Variants in ATRN observed in about 807,000 individuals in gnomAD.
ATRN encodes attractin, also known as attractin-2.
ATRN carries 54 observed loss-of-function variants against 178.7 expected under a neutral mutation model. The observed-to-expected ratio is 0.30, with a 90% CI of 0.24 to 0.38. The LOEUF (loss-of-function observed/expected upper bound fraction) is 0.38, where lower values mean the gene tolerates loss of function less well. ATRN is among the 10% of genes least tolerant of loss of function. The pLI is 1.00. For synonymous variants in ATRN, 636 were observed against 663.0 expected (o/e 0.96, Z 0.63); for missense variants, 1,443 against 1,815.1 (o/e 0.79, Z 3.73).
chr20:3,591,440 G>A, intron 19 of ATRN, 134 bp downstream of exon 19: 1 of 1,142,158 alleles, frequency 8.8e-7, no homozygotes. Context: ...ATACTGGTCA[G>A]AAGCTCAGCT....
intron 1 of ATRN, among the ~76,000 whole-genome samples, chr20:3,483,682 A>G (rs1432978378): frequency 6.6e-6 from 1 of 152,040 alleles, no homozygotes; most frequent in Admixed American, 6.6e-5. Context: ...TTTTGCATAC[A>G]TGTGTGATTT....
Position 3,560,861 on chromosome 20 carries a change from G to T in ATRN, c.1403G>T (p.Cys468Phe), listed in dbSNP as rs1353090418. The change falls in exon 8 of 29, where the codon TGC (cysteine) becomes TTC (phenylalanine). Residue 468 changes from cysteine (C) to phenylalanine (F), a missense_variant. This residue lies in a region of ATRN where 862 missense variants were observed against 972.1 expected (regional missense o/e 0.89). Coordinates refer to ENST00000262919, the MANE Select transcript of ATRN (RefSeq NM_139321.3). ...RVVMLVIFGHCPLYGYISNVQ... is the reference protein window; with the variant it reads ...RVVMLVIFGHFPLYGYISNVQ... ...GTCATGCTGGTCATCTTTGGTCACT[G>T]CCCTCTCTATGGATATATAAGCAAT... The T allele has an allele frequency of 6.2e-7, 1 of 1,614,110 alleles. No homozygotes were observed. Among genetic ancestry groups the T allele is most frequent in the Non-Finnish European group, 8.5e-7 (1 of 1,180,006 alleles).
In ATRN at chr20:3,627,963, G is replaced by A. The variant is rs575288192; in HGVS notation, c.3863+3391G>A. On this transcript the variant is annotated intron_variant, in intron 25 of 28. Coordinates refer to ENST00000262919, the MANE Select transcript of ATRN (RefSeq NM_139321.3). ...CGAGGTGGGTGGATCACGAGGTCAGGAGATCGAGACCATCCTGGCTAACAC... is the reference window on the plus strand; with the variant it reads ...CGAGGTGGGTGGATCACGAGGTCAGAAGATCGAGACCATCCTGGCTAACAC... Among the ~76,000 whole-genome samples, 8 of 152,262 alleles carry A rather than the reference G, an allele frequency of 5.3e-5. No individual in the cohort carries two copies. The East Asian group carries it at 1.5e-3, about 29-fold the overall frequency.
At chr20:3,611,710 C>G (rs2086769128) in intron 24 of ATRN, among the ~76,000 whole-genome samples, 1 of 152,094 alleles carries the variant, frequency 6.6e-6, no homozygotes, top group Admixed American at 6.5e-5. Context: ...CTACTGCACT[C>G]CAGCCTGGGC....
intron 18 of ATRN, among the ~76,000 whole-genome samples, chr20:3,590,348 T>C (rs1354668368): frequency 6.6e-6 from 1 of 152,226 alleles, no homozygotes; most frequent in Admixed American, 6.5e-5. Flanking sequence ...TGCATCACAC[T>C]GATCAACCAA....
intron 26 of ATRN, among the ~76,000 whole-genome samples, chr20:3,636,955 G>A: frequency 6.6e-6 from 1 of 152,178 alleles, no homozygotes; most frequent in South Asian, 2.1e-4. Flanking sequence ...ATGTAGTAGA[G>A]ATTTGCCTGC....
chr20:3,487,788 A>G (rs979201148), intron 1 of ATRN, among the ~76,000 whole-genome samples: 2 of 152,120 alleles, frequency 1.3e-5, no homozygotes, highest in Non-Finnish European at 2.9e-5. Flanking sequence ...TTAGAACTCA[A>G]ATGGGTGTGG....
At chr20:3,629,077 C>T (rs1317899701) in intron 25 of ATRN, 3 of 985,228 alleles carry the variant, frequency 3.0e-6, no homozygotes, top group East Asian at 2.3e-4. Context: ...TTTCACTCAG[C>T]AGGCACTCCC....
At chr20:3,549,012 A>T (rs550682204) in intron 5 of ATRN, among the ~76,000 whole-genome samples, 158 bp from the exon 6 acceptor site, 111 of 152,364 alleles carry the variant, frequency 7.3e-4, no homozygotes, top group African/African-American at 2.5e-3. Flanking sequence ...CAATACCCTG[A>T]ATAAATTAAA....
chr20:3,642,162 CTGCCTTTGTCCCCTTCTTG>C (rs1230719451), intron 27 of ATRN, among the ~76,000 whole-genome samples: 2 of 152,312 alleles, frequency 1.3e-5, no homozygotes. Flanking sequence ...GCGTCAGGCC[CTGCCTTTGTCCCCTTCTTG>C]TGTCTTTTAC....
intron 27 of ATRN, among the ~76,000 whole-genome samples, chr20:3,642,451 C>T (rs112197732): frequency 6.4e-4 from 97 of 152,362 alleles, no homozygotes; most frequent in African/African-American, 2.2e-3. Context: ...TTGTTCTTGA[C>T]TCATTCTTGA....
At chr20:3,525,282 T>C (rs912125696) in intron 1 of ATRN, among the ~76,000 whole-genome samples, 2 of 151,976 alleles carry the variant, frequency 1.3e-5, no homozygotes, top group African/African-American at 4.8e-5. Context: ...TCTACGCAAA[T>C]AAACTAGAAA....
intron 11 of ATRN, among the ~76,000 whole-genome samples, chr20:3,571,535 A>C (rs2146240103): frequency 6.7e-6 from 1 of 148,602 alleles, no homozygotes; most frequent in African/African-American, 2.5e-5. Flanking sequence ...TAGTCTCACC[A>C]ATCCATATAT....
chr20:3,509,432 G>A (rs556972446), intron 1 of ATRN, among the ~76,000 whole-genome samples: 70 of 152,138 alleles, frequency 4.6e-4, no homozygotes, highest in African/African-American at 1.2e-3. Flanking sequence ...TTCTAAATGT[G>A]TGTGTACCTA....
In ATRN at chr20:3,648,682, C is replaced by CT. The variant is rs1174859850; in HGVS notation, c.*1838dup. On this transcript the variant is annotated 3_prime_UTR_variant, in exon 29 of 29. Coordinates refer to ENST00000262919, the MANE Select transcript of ATRN (RefSeq NM_139321.3). ...CTATCTGATGCACAGAACACCTCTA[C>CT]TTTGAGACTCACCTCTCATAAAGCT... 6.6e-6 allele frequency: 1 copy of CT among 152,228 alleles called. No homozygotes were observed. Among genetic ancestry groups the CT allele is most frequent in the Non-Finnish European group, 1.5e-5 (1 of 68,050 alleles). The allele number at this position is 152,228 out of a possible 1,614,324, so 9.4% of individuals were successfully genotyped here.
At chr20:3,584,391 G>C (rs2086326452) in intron 17 of ATRN, among the ~76,000 whole-genome samples, 1 of 152,194 alleles carries the variant, frequency 6.6e-6, no homozygotes, top group South Asian at 2.1e-4. Flanking sequence ...AATTTGTAAA[G>C]TAAATGCTTT....
chr20:3,558,074 C>A (rs556169954), intron 6 of ATRN, among the ~76,000 whole-genome samples: 4 of 152,182 alleles, frequency 2.6e-5, no homozygotes, highest in African/African-American at 9.6e-5. Flanking sequence ...TTGCATGTCC[C>A]TCCAAAGTCC....
chr20:3,526,997 T>TA (rs1256450144), intron 1 of ATRN, among the ~76,000 whole-genome samples: 20 of 152,210 alleles, frequency 1.3e-4, no homozygotes, highest in African/African-American at 4.8e-4. Flanking sequence ...ACCTAGGCAA[T>TA]ACCATTCAGG....
chr20:3,644,078 C>A, intron 27 of ATRN, 76 bp from the exon 28 acceptor site: 1 of 1,108,468 alleles, frequency 9.0e-7, no homozygotes. Context: ...TTCTTATAAG[C>A]ACAAATGACC....
Sources: gnomAD v4.1 joint callset for allele counts (sites outside exome capture counted in the v4.1 genomes callset) on GRCh38, gnomAD v4.1.1 for gene constraint, gnomAD v4.1.1 regional missense constraint, MANE v1.5 for transcripts, NCBI Gene and HGNC (gene_info 2026-07-23, HGNC 2026-07-21) for gene names.